Variants in RAP1GAP2 observed in about 807,000 individuals in gnomAD.
RAP1GAP2 encodes the protein rap1 GTPase-activating protein 2.
Under a neutral mutation model 95.0 loss-of-function variants are expected in RAP1GAP2, and 27 were observed. The observed-to-expected ratio is 0.28, with a 90% confidence interval of 0.21 to 0.39. The LOEUF is 0.39. RAP1GAP2 is among the 10% of genes least tolerant of loss of function. RAP1GAP2 has a pLI of 1.00. For synonymous variants in RAP1GAP2, 373 were observed against 380.9 expected (o/e 0.98, Z 0.24); for missense variants, 771 against 970.0 (o/e 0.79, Z 2.72).
intron 3 of RAP1GAP2, among the ~76,000 whole-genome samples, chr17:2,956,676 A>G (rs2044119124): frequency 6.6e-6 from 1 of 152,200 alleles, no homozygotes. Flanking sequence ...TTCAGGGGAT[A>G]GGAAGTGGGG....
At chr17:2,856,882 GTGAT>G (rs1368811355) in intron 2 of RAP1GAP2, among the ~76,000 whole-genome samples, 1 of 152,242 alleles carries the variant, frequency 6.6e-6, no homozygotes, top group Admixed American at 6.5e-5. Flanking sequence ...AGGAGAAAGA[GTGAT>G]TGATTTCATC....
intron 2 of RAP1GAP2, among the ~76,000 whole-genome samples, chr17:2,894,386 C>T (rs1375685399): frequency 1.3e-5 from 2 of 152,166 alleles, no homozygotes; most frequent in Non-Finnish European, 2.9e-5. Context: ...GCCAAGATCG[C>T]GCCACTGCTC....
At chr17:2,814,662 C>T (rs1411582914) in intron 2 of RAP1GAP2, among the ~76,000 whole-genome samples, 2 of 152,110 alleles carry the variant, frequency 1.3e-5, no homozygotes, top group Admixed American at 6.5e-5. Context: ...GTTTGTTACC[C>T]AGGTGAGGTG....
rs1466501571 is a variant in RAP1GAP2, at chr17:3,008,852, C to G, written c.1494+707C>G. Among the ~76,000 whole-genome samples, 2 of 152,150 alleles carry G rather than the reference C, an allele frequency of 1.3e-5. No homozygotes were observed. The highest frequency in any genetic ancestry group is 4.8e-5 in the African/African-American group (2 of 41,442). On this transcript the variant is annotated intron_variant, in intron 17 of 24. Transcript: ENST00000254695. The surrounding 1 kb of genome is among the most constrained non-coding windows in gnomAD (Gnocchi z 4.2). ...GCTCGAGCCTGGCTGTCAGCCTGTGCAGGTGGCGGAACGGGTCTTGTTATA... is the reference window on the plus strand; with the variant it reads ...GCTCGAGCCTGGCTGTCAGCCTGTGGAGGTGGCGGAACGGGTCTTGTTATA...
At chr17:2,810,680 G>A (rs369128057) in intron 2 of RAP1GAP2, among the ~76,000 whole-genome samples, 4 of 151,926 alleles carry the variant, frequency 2.6e-5, no homozygotes, top group Admixed American at 2.0e-4. Flanking sequence ...ACAGGCATGC[G>A]CCACCACACC....
At chr17:2,799,824 G>T (rs1438105130) in intron 1 of RAP1GAP2, among the ~76,000 whole-genome samples, 2 of 152,132 alleles carry the variant, frequency 1.3e-5, no homozygotes, top group African/African-American at 2.4e-5. Context: ...GGCATATGCA[G>T]GGGGGTAAAA....
At chr17:2,962,173 A>T (rs2044364169) in intron 4 of RAP1GAP2, 1 of 161,606 alleles carries the variant, frequency 6.2e-6, no homozygotes, top group Admixed American at 6.5e-5. Flanking sequence ...AAGTGCTGCG[A>T]TTACAGGCGT....
rs1190829938 is a variant in RAP1GAP2 at position 2,889,882 on chromosome 17, TA to T, written c.81-15401del. 4.2e-3 allele frequency among the ~76,000 whole-genome samples: 355 copies of T among 83,718 alleles called. 4 individuals carry two copies. Among genetic ancestry groups the T allele is most frequent in the African/African-American group, 7.3e-3 (133 of 18,132 alleles). The allele number at this position is 83,718 out of a possible 152,430, so 54.9% of individuals were successfully genotyped here. A position where few individuals can be genotyped will look rare whatever the true frequency, so the allele number is the denominator to read the frequency against. On this transcript the variant is annotated intron_variant, in intron 2 of 24. Coordinates refer to ENST00000254695, the MANE Select transcript of RAP1GAP2 (RefSeq NM_015085.5). The stretch of plus-strand genomic sequence containing the variant: ...GTGTGTGTATATATATATATATATA[TA>T]TATATATTTTTTTTTTTTTTTGTAG...
At chr17:2,927,370 G>GAA (rs1567787314) in intron 3 of RAP1GAP2, among the ~76,000 whole-genome samples, 2 of 151,442 alleles carry the variant, frequency 1.3e-5, no homozygotes, top group Non-Finnish European at 2.9e-5. Flanking sequence ...AGCCAGGATG[G>GAA]TCTCGATCTC....
intron 1 of RAP1GAP2, among the ~76,000 whole-genome samples, chr17:2,768,143 G>A (rs2068312576): frequency 6.6e-6 from 1 of 152,138 alleles, no homozygotes. Context: ...AGCAAGCATT[G>A]TCCACTTGCT....
intron 3 of RAP1GAP2, among the ~76,000 whole-genome samples, chr17:2,911,865 A>T (rs765897273): frequency 6.6e-6 from 1 of 152,172 alleles, no homozygotes; most frequent in Non-Finnish European, 1.5e-5. Flanking sequence ...ATTTCACTGA[A>T]GTCCACTCTG....
At chr17:2,954,972 A>G (rs976057237) in intron 3 of RAP1GAP2, among the ~76,000 whole-genome samples, 1 of 152,032 alleles carries the variant, frequency 6.6e-6, no homozygotes, top group East Asian at 1.9e-4. Flanking sequence ...TGTTATTTTT[A>G]TTGGCTGAAT....
upstream of RAP1GAP2, among the ~76,000 whole-genome samples, chr17:2,776,885 G>A (rs2068515166): frequency 6.6e-6 from 1 of 152,108 alleles, no homozygotes; most frequent in South Asian, 2.1e-4. Flanking sequence ...GGGGGCGACC[G>A]CGGGGACTGA....
chr17:2,824,866 A>G (rs1023470822), intron 2 of RAP1GAP2, among the ~76,000 whole-genome samples: 4 of 152,064 alleles, frequency 2.6e-5, no homozygotes, highest in Non-Finnish European at 5.9e-5. Flanking sequence ...GTGGTTCGAA[A>G]GGAAGCACCT....
chr17:2,980,433 G>A, intron 9 of RAP1GAP2, 68 bp downstream of exon 9: 1 of 1,494,230 alleles, frequency 6.7e-7, no homozygotes, highest in Non-Finnish European at 9.3e-7. Context: ...TGGAATGGGG[G>A]TGCAGGTATA....
intron 2 of RAP1GAP2, among the ~76,000 whole-genome samples, chr17:2,840,922 C>T (rs530000657): frequency 7.0e-4 from 106 of 152,096 alleles, no homozygotes; most frequent in Non-Finnish European, 1.1e-3. Context: ...TGCTTGAGCC[C>T]GGGAGGTGGA....
chr17:2,936,604 G>A (rs529543566), intron 3 of RAP1GAP2, among the ~76,000 whole-genome samples: 18 of 152,136 alleles, frequency 1.2e-4, no homozygotes, highest in Middle Eastern at 3.4e-3. Flanking sequence ...ACCCTCCCCC[G>A]GTGCCCCAAA....
chr17:2,900,687 C>T (rs2041999363), intron 2 of RAP1GAP2, among the ~76,000 whole-genome samples: 1 of 152,128 alleles, frequency 6.6e-6, no homozygotes, highest in Admixed American at 6.6e-5. Flanking sequence ...GGTGATCTGC[C>T]CACTTTTGCC....
rs188643762 is a variant in RAP1GAP2 at position 2,929,375 on chromosome 17, C to T, written c.165+24007C>T. On this transcript the variant is annotated intron_variant, in intron 3 of 24. Coordinates refer to ENST00000254695, the MANE Select transcript of RAP1GAP2 (RefSeq NM_015085.5). ...GCGATGAGTGAGGGCTGGAATCTGG[C>T]AATCCCCTGGCCCCGCCAGGTGACT... Among the ~76,000 whole-genome samples the T allele has an allele frequency of 4.7e-4, 72 of 152,194 alleles. 1 individual carries two copies. Among genetic ancestry groups the T allele is most frequent in the African/African-American group, 1.7e-3 (70 of 41,536 alleles).
Sources: allele counts gnomAD v4.1 joint callset (sites outside exome capture counted in the v4.1 genomes callset), GRCh38; gene constraint gnomAD v4.1.1; non-coding constraint Gnocchi (gnomAD v3.1); transcripts MANE v1.5; gene names NCBI Gene and HGNC (gene_info 2026-07-23, HGNC 2026-07-21).